The following SI variants were observed in gnomAD, a reference collection of about 807,000 sequenced individuals.
The protein encoded by SI is sucrase-isomaltase, intestinal.
SI carries 235 observed loss-of-function variants against 253.3 expected under a neutral mutation model. That is an observed-to-expected ratio of 0.93 (90% CI 0.83 to 1.03). The LOEUF is 1.03. SI is among the 50% of genes least tolerant of loss of function. SI has a pLI of 0.00. For synonymous variants in SI, 819 were observed against 712.0 expected, an observed-to-expected ratio of 1.15 and a Z score of -2.39; for missense variants, 2,442 against 2,211.1, an observed-to-expected ratio of 1.10 and a Z score of -2.09.
At chr3:164,985,893 G>C (rs1357789894) in intron 45 of SI, among the ~76,000 whole-genome samples, 1 of 152,064 alleles carries the variant, frequency 6.6e-6, no homozygotes, top group Non-Finnish European at 1.5e-5. Context: ...TGTCCCAGGT[G>C]TTTCTGATAA....
chr3:165,059,074 T>C lies in SI; in HGVS notation c.1287A>G (p.Ala429=), dbSNP rs1713853605. 1 of 1,612,420 alleles carries C rather than the reference T, an allele frequency of 6.2e-7. No homozygotes were observed. Among genetic ancestry groups the C allele is most frequent in the South Asian group, 1.1e-5 (1 of 91,040 alleles). ...CATTGGCACGTCGACCTATGGAAAT[T>C]GCAGGGTCCTAATAATAGAAAGCAG... ...GQKYVIILDP[A]ISIGRRANGT... Residue 429 remains alanine (A), a synonymous_variant, in exon 12 of 48, where the codon GCA becomes GCG. Coordinates refer to ENST00000264382, the MANE Select transcript of SI (RefSeq NM_001041.4).
At chr3:164,984,985 A>G (rs1717367434) in intron 45 of SI, among the ~76,000 whole-genome samples, 1 of 152,204 alleles carries the variant, frequency 6.6e-6, no homozygotes. Flanking sequence ...ACTAAATTAT[A>G]CCAAATATAC....
chr3:165,030,995 A>G, intron 24 of SI, 128 bp from the exon 25 acceptor site: 4 of 1,314,508 alleles, frequency 3.0e-6, no homozygotes, highest in Non-Finnish European at 4.0e-6. Flanking sequence ...TGTGGCAACG[A>G]GGGCAATTCT....
chr3:165,006,145 T>C (rs898129073), intron 37 of SI, among the ~76,000 whole-genome samples: 1 of 152,234 alleles, frequency 6.6e-6, no homozygotes, highest in Non-Finnish European at 1.5e-5. Flanking sequence ...AGTCTCGCTC[T>C]GTTGCCAGGC....
At chr3:165,027,606 C>T (rs1235979436) in intron 25 of SI, among the ~76,000 whole-genome samples, 1 of 151,092 alleles carries the variant, frequency 6.6e-6, no homozygotes, top group Non-Finnish European at 1.5e-5. Context: ...AAAAAGATAG[C>T]CCAACATGAC....
chr3:165,006,049 A>C (rs1012672053), intron 37 of SI, among the ~76,000 whole-genome samples: 1 of 152,196 alleles, frequency 6.6e-6, no homozygotes, highest in African/African-American at 2.4e-5. Flanking sequence ...ATGATCATTA[A>C]TATTTGAGAA....
At chr3:165,040,752 T>C (rs923864598) in intron 18 of SI, among the ~76,000 whole-genome samples, 188 bp downstream of exon 18, 1 of 152,090 alleles carries the variant, frequency 6.6e-6, no homozygotes, top group African/African-American at 2.4e-5. Flanking sequence ...CTCTCATTTC[T>C]ACCTAAATAT....
intron 17 of SI, among the ~76,000 whole-genome samples, chr3:165,041,906 G>T (rs908334906): frequency 1.3e-5 from 2 of 152,064 alleles, no homozygotes; most frequent in African/African-American, 4.8e-5. Flanking sequence ...CTTGGGAGAT[G>T]CAAGAAAGGT....
intron 38 of SI, 32 bp from the exon 39 acceptor site, chr3:164,996,804 T>A (rs779347864): frequency 1.1e-6 from 1 of 919,158 alleles, no homozygotes; most frequent in South Asian, 1.7e-5. Context: ...TCTTAGAAAG[T>A]TATTATTTCA....
At chr3:165,021,771 T>C (rs1338398179) in intron 26 of SI, among the ~76,000 whole-genome samples, 1 of 151,580 alleles carries the variant, frequency 6.6e-6, no homozygotes, top group Non-Finnish European at 1.5e-5. Context: ...AATGCTAATT[T>C]ATGTTTATTT....
upstream of SI, among the ~76,000 whole-genome samples, chr3:165,081,414 G>A (rs1353182317): frequency 1.3e-5 from 2 of 151,636 alleles, no homozygotes; most frequent in Non-Finnish European, 2.9e-5. Flanking sequence ...CTCTCTTTAG[G>A]GAGTATTATG....
intron 28 of SI, 149 bp from the exon 29 acceptor site, chr3:165,018,215 G>A: frequency 4.9e-6 from 3 of 615,408 alleles, no homozygotes; most frequent in Non-Finnish European, 8.7e-6. Context: ...TAAAATAAAT[G>A]TGTCTCCCTA....
At chr3:165,074,895 C>G (rs1714850413) in intron 2 of SI, among the ~76,000 whole-genome samples, 1 of 151,918 alleles carries the variant, frequency 6.6e-6, no homozygotes. Context: ...TTGACTGTTT[C>G]TGAAGAAATA....
At position 165,065,427 on chromosome 3, in the gene SI, T is replaced by G; in HGVS notation, c.641A>C (p.Asp214Ala). Residue 214 changes from aspartate (D) to alanine (A), a missense_variant, in exon 7 of 48, where the codon GAC (aspartate) becomes GCC (alanine). Coordinates refer to ENST00000264382, the MANE Select transcript of SI (RefSeq NM_001041.4). ...GTACACTAAGGGACCAATGCTGGTG[T>G]CAAACCTGCACCATAAAAGAAATAA... ...IRKSNGKTLF[D>A]TSIGPLVYSD... The G allele has an allele frequency of 7.0e-7, 1 of 1,423,998 alleles. No individual in the cohort carries two copies. The allele number at this position is 1,423,998 out of a possible 1,614,324, so 88.2% of individuals were successfully genotyped here.
intron 47 of SI, among the ~76,000 whole-genome samples, chr3:164,981,497 T>C (rs753483322): frequency 7.9e-5 from 12 of 152,110 alleles, no homozygotes; most frequent in Non-Finnish European, 1.5e-4. Context: ...GATTAAAGGC[T>C]CTTTGTTTTT....
At chr3:165,048,371 A>C (rs1224022373) in intron 15 of SI, among the ~76,000 whole-genome samples, 1 of 151,418 alleles carries the variant, frequency 6.6e-6, no homozygotes, top group Non-Finnish European at 1.5e-5. Flanking sequence ...TAATTAGAAA[A>C]CTACATTTTA....
chr3:164,989,447 A>G (rs1278147470), intron 44 of SI, among the ~76,000 whole-genome samples: 17 of 149,336 alleles, frequency 1.1e-4, no homozygotes, highest in Non-Finnish European at 2.0e-4. Flanking sequence ...GAAAGAAAGA[A>G]GAGAGGAGAG....
At chr3:165,026,647 TG>T (rs1230094938) in intron 25 of SI, among the ~76,000 whole-genome samples, 1 of 151,282 alleles carries the variant, frequency 6.6e-6, no homozygotes, top group Non-Finnish European at 1.5e-5. Flanking sequence ...AAAATAAAAC[TG>T]GAAATCAACT....
chr3:165,019,751 C>T lies in SI; in HGVS notation c.3274G>A (p.Gly1092Arg). The T allele has an allele frequency of 1.2e-6, 2 of 1,612,470 alleles. No individual in the cohort carries two copies. The highest frequency in any genetic ancestry group is 1.7e-6 in the Non-Finnish European group (2 of 1,178,940). Residue 1092 changes from glycine to arginine, a missense_variant, in exon 28 of 48, where the codon GGA becomes AGA. Transcript: ENST00000264382. The stretch of plus-strand genomic sequence containing the variant: ...ATGAACTGGTCATTAAAAGCAAATC[C>T]AGGCAGCCAAGAATCCCAACTGAAA... ...GRVIWDSWLP[G>R]FAFNDQFIQI...
Sources: allele counts gnomAD v4.1 joint callset (sites outside exome capture counted in the v4.1 genomes callset), GRCh38; gene constraint gnomAD v4.1.1; transcripts MANE v1.5; gene names NCBI Gene and HGNC (gene_info 2026-07-23, HGNC 2026-07-21).